Variants in ARHGEF15 observed in about 807,000 individuals in gnomAD.
The protein encoded by ARHGEF15 is Rho guanine nucleotide exchange factor 15.
Under a neutral mutation model 79.7 loss-of-function variants are expected in ARHGEF15, and 58 were observed. That is an observed-to-expected ratio of 0.73 (90% confidence interval 0.59 to 0.91). ARHGEF15 has a LOEUF of 0.91. ARHGEF15 is among the 40% of genes least tolerant of loss of function. ARHGEF15 has a pLI of 0.00. For synonymous variants in ARHGEF15, 442 were observed against 456.0 expected, an observed-to-expected ratio of 0.97 and a Z score of 0.39; for missense variants, 1,012 against 1,108.1, an observed-to-expected ratio of 0.91 and a Z score of 1.23.
chr17:8,320,461 G>C lies in ARHGEF15; in HGVS notation c.2375-381G>C, dbSNP rs926937196. ...GCTGGAGGCAGCAGGCAGTGCAAAG[G>C]CCCTGCGGCTGGTGTGTGACTGAGG... On this transcript the variant is annotated intron_variant, in intron 15 of 15. Transcript: ENST00000361926. Among the ~76,000 whole-genome samples the C allele has an allele frequency of 6.6e-5, 10 of 152,226 alleles. No homozygotes were observed. The East Asian group carries it at 1.9e-3, about 29-fold the overall frequency.
In ARHGEF15 at chr17:8,318,959, T is replaced by C; in HGVS notation, c.2034-48T>C. 1 of 1,607,378 alleles carries C rather than the reference T, an allele frequency of 6.2e-7. No individual in the cohort carries two copies. Among genetic ancestry groups the C allele is most frequent in the Non-Finnish European group, 8.5e-7 (1 of 1,177,578 alleles). On this transcript the variant is annotated intron_variant, in intron 12 of 15. Transcript: ENST00000361926. This position sits in a 1 kb window ranked among gnomAD's most constrained non-coding sequence, Gnocchi z 5.0. ...CCCAGGCTGGAGTGGGCAGGAGGGG[T>C]CCAGCGGGACCCCTGCTGTCCTTCT...
At chr17:8,313,348 G>T (rs1201940363) in intron 3 of ARHGEF15, 94 bp downstream of exon 3, 3 of 1,509,566 alleles carry the variant, frequency 2.0e-6, no homozygotes, top group African/African-American at 2.8e-5. Context: ...TCCCCAACAG[G>T]CACTGGGCTC....
Position 8,315,834 on chromosome 17 carries a change from G to C in ARHGEF15, c.1501G>C (p.Val501Leu). 1 of 1,613,062 alleles carries C rather than the reference G, an allele frequency of 6.2e-7. No homozygotes were observed. Among genetic ancestry groups the C allele is most frequent in the Non-Finnish European group, 8.5e-7 (1 of 1,180,022 alleles). Reference protein sequence around the residue: ...DLCDVVHAHAVGPFSVYVDYV... With the variant: ...DLCDVVHAHALGPFSVYVDYV... ...GTGTGATGTGGTGCATGCCCACGCT[G>C]TGGGGCCTTTCTCGGTGTATGTGGA... The change falls in exon 8 of 16, where the codon GTG (valine) becomes CTG (leucine). Residue 501 changes from valine to leucine, a missense_variant. Transcript: ENST00000361926. The surrounding 1 kb of genome is among the most constrained non-coding windows in gnomAD (Gnocchi z 4.3).
At position 8,322,293 on chromosome 17, in the gene ARHGEF15, G is replaced by A. The variant is rs1453334613; in HGVS notation, c.*1300G>A. 6.6e-6 allele frequency: 1 copy of A among 152,446 alleles called. No individual in the cohort carries two copies. The highest frequency in any genetic ancestry group is 2.4e-5 in the African/African-American group (1 of 41,486). 9.4% of individuals were successfully genotyped at this position (152,446 alleles called of 1,614,324 possible). A position where few individuals can be genotyped will look rare whatever the true frequency, so the allele number is the denominator to read the frequency against. On this transcript the variant is annotated 3_prime_UTR_variant, in exon 16 of 16. Coordinates refer to ENST00000361926, the MANE Select transcript of ARHGEF15 (RefSeq NM_173728.4). ...AGAGACAGCAAGGCAGACAGTGGCT[G>A]GCAGGGGGGCCCAGGCCCGGGACGA... is the stretch of plus-strand genomic sequence containing the variant.
Position 8,312,060 on chromosome 17 carries a change from T to C in ARHGEF15, c.21T>C (p.Pro7=). MSAQSL[P]AATPPTQKPP... ...GGAAGATGTCAGCCCAGTCCCTTCC[T>C]GCAGCAACACCCCCCACGCAGAAGC... The change falls in exon 2 of 16, where the codon CCT becomes CCC. Residue 7 remains proline (P), a synonymous_variant. Transcript: ENST00000361926. 1 of 1,592,288 alleles carries C rather than the reference T, an allele frequency of 6.3e-7. No homozygotes were observed. The highest frequency in any genetic ancestry group is 8.6e-7 in the Non-Finnish European group (1 of 1,168,950).
chr17:8,318,296 C>G lies in ARHGEF15; in HGVS notation c.1705-91C>G, dbSNP rs1487777441. 7.8e-7 allele frequency: 1 copy of G among 1,277,404 alleles called. No homozygotes were observed. Among genetic ancestry groups the G allele is most frequent in the Non-Finnish European group, 1.1e-6 (1 of 910,374 alleles). The allele number at this position is 1,277,404 out of a possible 1,614,324, so 79.1% of individuals were successfully genotyped here. On this transcript the variant is annotated intron_variant, in intron 9 of 15. Transcript: ENST00000361926. The surrounding 1 kb of genome is among the most constrained non-coding windows in gnomAD (Gnocchi z 5.0). ...GGTCTGTCAGCCTTGTTGAAACTGG[C>G]TGAAACAGACAGGGTCCTCTGAGCT...
In ARHGEF15 at chr17:8,318,820, G is replaced by A. The variant is rs981112376; in HGVS notation, c.1943G>A (p.Arg648Lys). ...QGELTELGCR[R>K]GGVLFASRPR... ...GAGCTGACTGAGTTAGGGTGCCGGA[G>A]GGGGGGCGTGCTCTTTGCCTCGCGC... Residue 648 changes from arginine (R) to lysine (K), a missense_variant, in exon 12 of 16, where the codon AGG becomes AAG. Arg to Lys is a conservative substitution (Grantham distance 26). Transcript: ENST00000361926. The surrounding 1 kb of genome is among the most constrained non-coding windows in gnomAD (Gnocchi z 5.0). 1 of 1,613,412 alleles carries A rather than the reference G, an allele frequency of 6.2e-7. No homozygotes were observed. Among genetic ancestry groups the A allele is most frequent in the Non-Finnish European group, 8.5e-7 (1 of 1,179,972 alleles).
rs1904948685 is a variant in ARHGEF15, at chr17:8,315,422, C to T, written c.1269C>T (p.Phe423=). 6.2e-7 allele frequency: 1 copy of T among 1,613,950 alleles called. No homozygotes were observed. The highest frequency in any genetic ancestry group is 1.1e-5 in the South Asian group (1 of 91,076). Residue 423 remains phenylalanine, a synonymous_variant, in exon 7 of 16, where the codon TTC becomes TTT. Coordinates refer to ENST00000361926, the MANE Select transcript of ARHGEF15 (RefSeq NM_173728.4). The surrounding 1 kb of genome is among the most constrained non-coding windows in gnomAD (Gnocchi z 4.3). ...PQERRMQESL[F]EVVTSEASYL... ...CCTGCTTTTCTTTCTAGAGTCTTTT[C>T]GAGGTGGTGACGTCCGAGGCTTCCT...
rs764564244 is a variant in ARHGEF15, at chr17:8,318,426, G to C, written c.1744G>C (p.Glu582Gln). 7 of 1,613,986 alleles carry C rather than the reference G, an allele frequency of 4.3e-6. No homozygotes were observed. The highest frequency in any genetic ancestry group is 5.9e-6 in the Non-Finnish European group (7 of 1,180,024). ...GACAGAAGAGGGGTCCAGCCGTCAG[G>C]AGAATGCCCAGAAGGCCCTGGGTGC... ...RQTEEGSSRQ[E>Q]NAQKALGAVS... The change falls in exon 10 of 16, where the codon GAG (glutamate) becomes CAG (glutamine). Residue 582 changes from glutamate to glutamine, a missense_variant. Transcript: ENST00000361926. The surrounding 1 kb of genome is among the most constrained non-coding windows in gnomAD (Gnocchi z 5.0).
chr17:8,316,149 G>A lies in ARHGEF15; in HGVS notation c.1704+1G>A. The A allele has an allele frequency of 6.2e-7, 1 of 1,601,978 alleles. No homozygotes were observed. The highest frequency in any genetic ancestry group is 1.7e-4 in the Middle Eastern group (1 of 5,814). On this transcript the variant is annotated splice_donor_variant, in intron 9 of 15. Transcript: ENST00000361926. LOFTEE classifies it high-confidence loss of function. ...CACCCGGCTGCGCATGCTGCTGCAGGTACCTGTCCCAGCTGCGGCCGTTTC... is the reference window on the plus strand; with the variant it reads ...CACCCGGCTGCGCATGCTGCTGCAGATACCTGTCCCAGCTGCGGCCGTTTC...
rs761904058 is a variant in ARHGEF15, at chr17:8,315,160, T to C, written c.1143T>C (p.Asp381=). ...GTCCTTCTCCAGCAAATGCTGGAGA[T>C]GCACCCACCTTCCCACGACCCCCTG... ...DGSPSPANAG[D]APTFPRPPGP... is the part of the protein sequence containing the mutation. The change falls in exon 6 of 16, where the codon GAT becomes GAC. Residue 381 remains aspartate (D), a synonymous_variant. Coordinates refer to ENST00000361926, the MANE Select transcript of ARHGEF15 (RefSeq NM_173728.4). The surrounding 1 kb of genome is among the most constrained non-coding windows in gnomAD (Gnocchi z 4.3). 7 of 1,613,910 alleles carry C rather than the reference T, an allele frequency of 4.3e-6. No individual in the cohort carries two copies. Among genetic ancestry groups the C allele is most frequent in the African/African-American group, 2.7e-5 (2 of 74,912 alleles).
rs765002228 is a variant in ARHGEF15, at chr17:8,319,549, G to C, written c.2320G>C (p.Gly774Arg). 6.2e-7 allele frequency: 1 copy of C among 1,611,704 alleles called. No homozygotes were observed. The highest frequency in any genetic ancestry group is 8.5e-7 in the Non-Finnish European group (1 of 1,179,220). ...GTCGTCTGCACCTGCCAAGACTGAA[G>C]GACGGAGTCTGGAGTCCAGGGCTGC... ...SESSAPAKTE[G>R]RSLESRAAPK... Residue 774 changes from glycine to arginine, a missense_variant, in exon 15 of 16, where the codon GGA (glycine) becomes CGA (arginine). Gly to Arg is a moderately radical substitution (Grantham distance 125, BLOSUM62 -2). Coordinates refer to ENST00000361926, the MANE Select transcript of ARHGEF15 (RefSeq NM_173728.4).
chr17:8,315,218 G>T lies in ARHGEF15; in HGVS notation c.1201G>T (p.Ala401Ser). Residue 401 changes from alanine to serine, a missense_variant, in exon 6 of 16, where the codon GCT becomes TCT. By Grantham distance (99) the Ala-to-Ser change is moderately conservative. Coordinates refer to ENST00000361926, the MANE Select transcript of ARHGEF15 (RefSeq NM_173728.4). This position sits in a 1 kb window ranked among gnomAD's most constrained non-coding sequence, Gnocchi z 4.3. ...CAACACCCTGTGGCAGGAGCTTCCGGCTGTGCAAGCCAGCGGTCTTCTGGA... is the reference window on the plus strand; with the variant it reads ...CAACACCCTGTGGCAGGAGCTTCCGTCTGTGCAAGCCAGCGGTCTTCTGGA... ...PRNTLWQELP[A>S]VQASGLLDTL... The T allele has an allele frequency of 6.2e-7, 1 of 1,613,738 alleles. No homozygotes were observed. Among genetic ancestry groups the T allele is most frequent in the Non-Finnish European group, 8.5e-7 (1 of 1,179,938 alleles).
chr17:8,310,911 G>A (rs1904568930), intron 1 of ARHGEF15: 1 of 152,286 alleles, frequency 6.6e-6, no homozygotes, highest in Non-Finnish European at 1.5e-5. Context: ...GTGGGGTAGG[G>A]AAGGAAGTAA....
At chr17:8,311,587 C>A (rs1456485991) in intron 1 of ARHGEF15, among the ~76,000 whole-genome samples, 1 of 152,000 alleles carries the variant, frequency 6.6e-6, no homozygotes, top group Non-Finnish European at 1.5e-5. Context: ...CAGGCGCGCC[C>A]ACGGCACCCA....
Position 8,312,666 on chromosome 17 carries a change from G to C in ARHGEF15, c.601+26G>C, listed in dbSNP as rs766244736. ...GTGAGTGTGGCGGGTGGGGGGCGCT[G>C]GGTGACCTCAATCCACCCATCTTCT... On this transcript the variant is annotated intron_variant, in intron 2 of 15. Coordinates refer to ENST00000361926, the MANE Select transcript of ARHGEF15 (RefSeq NM_173728.4). 2.9e-5 allele frequency: 47 copies of C among 1,611,212 alleles called. 1 individual carries two copies. In the South Asian group the frequency reaches 5.1e-4, roughly 17 times the overall value.
In ARHGEF15 at chr17:8,315,803, C is replaced by A. The variant is rs763614509; in HGVS notation, c.1470C>A (p.Ser490Arg). The A allele has an allele frequency of 6.2e-7, 1 of 1,613,348 alleles. No homozygotes were observed. Among genetic ancestry groups the A allele is most frequent in the Non-Finnish European group, 8.5e-7 (1 of 1,180,000 alleles). Residue 490 changes from serine (S) to arginine (R), a missense_variant, in exon 8 of 16, where the codon AGC becomes AGA. Coordinates refer to ENST00000361926, the MANE Select transcript of ARHGEF15 (RefSeq NM_173728.4). The surrounding 1 kb of genome is among the most constrained non-coding windows in gnomAD (Gnocchi z 4.3). ...LSRVRSSPHI[S>R]DLCDVVHAHA... ...GTGTGCGCTCTTCCCCCCACATCAG[C>A]GACTTGTGTGATGTGGTGCATGCCC...
At position 8,315,464 on chromosome 17, in the gene ARHGEF15, G is replaced by T; in HGVS notation, c.1311G>T (p.Arg437=). 3 of 1,613,820 alleles carry T rather than the reference G, an allele frequency of 1.9e-6. No individual in the cohort carries two copies. Residue 437 remains arginine (R), a synonymous_variant, in exon 7 of 16, where the codon CGG becomes CGT. Transcript: ENST00000361926. The surrounding 1 kb of genome is among the most constrained non-coding windows in gnomAD (Gnocchi z 4.3). ...AGGCTTCCTACCTGCGCTCCCTGCG[G>T]CTGCTGACCGACACCTTCGTGCTGA... ...TSEASYLRSL[R]LLTDTFVLSQ...
In ARHGEF15 at chr17:8,313,020, G is replaced by T. The variant is rs1296727308; in HGVS notation, c.700G>T (p.Val234Phe). 1 of 1,612,826 alleles carries T rather than the reference G, an allele frequency of 6.2e-7. No homozygotes were observed. The highest frequency in any genetic ancestry group is 8.5e-7 in the Non-Finnish European group (1 of 1,179,584). Residue 234 changes from valine (V) to phenylalanine (F), a missense_variant, in exon 3 of 16, where the codon GTC becomes TTC. Around this residue, in one of 3 missense-constraint regions of ARHGEF15, gnomAD observed 818 missense variants for 882.5 expected, o/e 0.93. Coordinates refer to ENST00000361926, the MANE Select transcript of ARHGEF15 (RefSeq NM_173728.4). ...GGTGCCTGTGGGGGGCTATGAGGAG[G>T]TCCCCAGGGTCCCCCGTCGGGCCTC... ...RWVPVGGYEE[V>F]PRVPRRASPL...
Sources: gnomAD v4.1 joint callset for allele counts (sites outside exome capture counted in the v4.1 genomes callset) on GRCh38, gnomAD v4.1.1 for gene constraint, gnomAD v4.1.1 regional missense constraint, Gnocchi (gnomAD v3.1) non-coding constraint, MANE v1.5 for transcripts, NCBI Gene and HGNC (gene_info 2026-07-23, HGNC 2026-07-21) for gene names.